Variants in CTBP2 observed in about 807,000 individuals in gnomAD.
The protein encoded by CTBP2 is C-terminal-binding protein 2.
In CTBP2, 30 loss-of-function variants were observed where a neutral mutation model predicts 80.3. That is an observed-to-expected ratio of 0.37 (90% CI 0.28 to 0.51). The LOEUF is 0.51. Among genes scored for constraint, CTBP2 ranks in the 20% least tolerant of loss-of-function variants. CTBP2 has a pLI of 0.93. For synonymous variants in CTBP2, 594 were observed against 587.4 expected, an observed-to-expected ratio of 1.01 and a Z score of -0.16; for missense variants, 1,212 against 1,375.3, an observed-to-expected ratio of 0.88 and a Z score of 1.88.
chr10:125,067,320 G>T (rs1844802731), intron 2 of CTBP2, among the ~76,000 whole-genome samples: 1 of 152,092 alleles, frequency 6.6e-6, no homozygotes. Context: ...TGACATACAA[G>T]GTGAAAAACT....
intron 2 of CTBP2, among the ~76,000 whole-genome samples, chr10:125,058,126 C>A (rs747647121): frequency 2.6e-5 from 4 of 151,976 alleles, no homozygotes; most frequent in African/African-American, 9.7e-5. Flanking sequence ...GGAGCCCTGA[C>A]GGGGAGAAAC....
chr10:125,072,841 A>G (rs1267683655), intron 2 of CTBP2, among the ~76,000 whole-genome samples: 3 of 152,246 alleles, frequency 2.0e-5, no homozygotes, highest in African/African-American at 4.8e-5. Context: ...AGTAAAAGCT[A>G]GTCTCAGATA....
chr10:124,986,251 G>C lies in CTBP2; in HGVS notation c.*3267C>G, dbSNP rs1329581166. 1 of 150,100 alleles carries C rather than the reference G, an allele frequency of 6.7e-6. No homozygotes were observed. Among genetic ancestry groups the C allele is most frequent in the Non-Finnish European group, 1.5e-5 (1 of 67,572 alleles). 9.3% of individuals were successfully genotyped at this position (150,100 alleles called of 1,614,324 possible). A position where few individuals can be genotyped will look rare whatever the true frequency, so the allele number is the denominator to read the frequency against. The stretch of plus-strand genomic sequence containing the variant: ...AAGCACTTTCTAGACTATTGATGTG[G>C]CCAGGAATTTGGAAAGACGACACAC... On this transcript the variant is annotated 3_prime_UTR_variant, in exon 9 of 9. Coordinates refer to ENST00000309035, the MANE Select transcript of CTBP2 (RefSeq NM_022802.3).
chr10:125,129,681 C>T (rs1855832429), intron 1 of CTBP2, among the ~76,000 whole-genome samples: 1 of 152,156 alleles, frequency 6.6e-6, no homozygotes, highest in African/African-American at 2.4e-5. Flanking sequence ...AAGGAGACTC[C>T]AAAACCTCAG....
In CTBP2 at chr10:125,013,879, A is replaced by T. The variant is rs190301515; in HGVS notation, c.1679-10387T>A. Among the ~76,000 whole-genome samples, 16 of 152,334 alleles carry T rather than the reference A, an allele frequency of 1.1e-4. No individual in the cohort carries two copies. The East Asian group carries it at 3.1e-3, about 29-fold the overall frequency. On this transcript the variant is annotated intron_variant, in intron 1 of 8. Transcript: ENST00000309035. ...AGACATCATCAGGCCTGGCCCTAGG[A>T]AACAGACAGGTGATCTTGCCTCGGC...
intron 2 of CTBP2, among the ~76,000 whole-genome samples, chr10:125,063,296 A>G (rs1480112216): frequency 1.3e-5 from 2 of 152,220 alleles, no homozygotes; most frequent in African/African-American, 4.8e-5. Flanking sequence ...GGGGAAAAAC[A>G]TCATACTTAA....
intron 2 of CTBP2, among the ~76,000 whole-genome samples, chr10:125,097,113 C>T (rs920204169): frequency 1.3e-5 from 2 of 152,128 alleles, no homozygotes; most frequent in African/African-American, 2.4e-5. Context: ...TTAATTTTTG[C>T]AGCTTTTGCC....
At chr10:125,108,175 G>A (rs1310731227) in intron 2 of CTBP2, among the ~76,000 whole-genome samples, 4 of 152,210 alleles carry the variant, frequency 2.6e-5, no homozygotes, top group Non-Finnish European at 1.5e-5. Flanking sequence ...TCTAAATTTA[G>A]CACGTCACTA....
chr10:125,007,459 T>A (rs1955392135), intron 1 of CTBP2, among the ~76,000 whole-genome samples: 1 of 152,240 alleles, frequency 6.6e-6, no homozygotes, highest in South Asian at 2.1e-4. Context: ...TGGACTTTTG[T>A]GAACAGTAAC....
intron 2 of CTBP2, among the ~76,000 whole-genome samples, chr10:125,086,715 A>G (rs1417010612): frequency 3.3e-5 from 5 of 151,914 alleles, no homozygotes; most frequent in African/African-American, 1.2e-4. Context: ...TCAGACATCG[A>G]ATCTGCTGGC....
chr10:125,132,938 T>G (rs1856417618), intron 1 of CTBP2, among the ~76,000 whole-genome samples: 1 of 152,200 alleles, frequency 6.6e-6, no homozygotes, highest in Non-Finnish European at 1.5e-5. Context: ...ACGCTTAGAA[T>G]GACAGCCCCA....
chr10:125,069,167 C>T (rs1045253768), intron 2 of CTBP2, among the ~76,000 whole-genome samples: 3 of 152,176 alleles, frequency 2.0e-5, no homozygotes, highest in African/African-American at 7.2e-5. Flanking sequence ...ACCACCTCCC[C>T]TAATAGCTGC....
chr10:125,079,138 C>T (rs1467377095), intron 2 of CTBP2, among the ~76,000 whole-genome samples: 1 of 129,538 alleles, frequency 7.7e-6, no homozygotes, highest in South Asian at 2.6e-4. Context: ...CAGAGTGAGA[C>T]CTTGTCTCGA....
intron 1 of CTBP2, among the ~76,000 whole-genome samples, chr10:125,008,269 A>G (rs1955482953): frequency 6.6e-6 from 1 of 152,074 alleles, no homozygotes; most frequent in South Asian, 2.1e-4. Flanking sequence ...TTTTTTTAAA[A>G]CGCACTAGAT....
chr10:124,986,444 A>C lies in CTBP2; in HGVS notation c.*3074T>G, dbSNP rs1457408144. 2 of 152,296 alleles carry C rather than the reference A, an allele frequency of 1.3e-5. No homozygotes were observed. The highest frequency in any genetic ancestry group is 6.6e-5 in the Admixed American group (1 of 15,266). The allele number at this position is 152,296 out of a possible 1,614,324, so 9.4% of individuals were successfully genotyped here. A position where few individuals can be genotyped will look rare whatever the true frequency, so the allele number is the denominator to read the frequency against. On this transcript the variant is annotated 3_prime_UTR_variant, in exon 9 of 9. Coordinates refer to ENST00000309035, the MANE Select transcript of CTBP2 (RefSeq NM_022802.3). ...TCAAATTTGCTGCCAGAATACTAAA[A>C]ATAGAAAAATACCCACAAAACTGTC...
At chr10:124,992,209 C>CCT (rs748096020) in intron 8 of CTBP2, among the ~76,000 whole-genome samples, 11 of 102,496 alleles carry the variant, frequency 1.1e-4, no homozygotes, top group Admixed American at 2.7e-4. Flanking sequence ...TTGAGAAGCC[C>CCT]TTTTTTTTTT....
At chr10:125,136,601 C>T (rs1857007920) in intron 1 of CTBP2, among the ~76,000 whole-genome samples, 1 of 152,206 alleles carries the variant, frequency 6.6e-6, no homozygotes, top group Admixed American at 6.5e-5. Flanking sequence ...CCCCATGGAG[C>T]CCATTCTTGC....
In CTBP2 at chr10:125,045,705, G is replaced by C. The variant is rs1472799116; in HGVS notation, c.-101-6550C>G. ...AGGGTTTCACCACGTTGGCCAGGCT[G>C]GTCTCAAACTCCTGACTTCAGGTGT... On this transcript the variant is annotated intron_variant, in intron 2 of 10. Coordinates refer to the CTBP2 transcript ENST00000337195. 2.0e-5 allele frequency among the ~76,000 whole-genome samples: 3 copies of C among 152,096 alleles called. 1 individual carries two copies. The highest frequency in any genetic ancestry group is 4.4e-5 in the Non-Finnish European group (3 of 68,018).
chr10:124,984,759 A>G lies in CTBP2; in HGVS notation c.*4759T>C. On this transcript the variant is annotated 3_prime_UTR_variant, in exon 9 of 9. Transcript: ENST00000309035. ...GTTGTATGATTTTCCCTTTGTCTTC[A>G]TATTCCTCCAAAAGCTAGGTAATGA... 1.2e-6 allele frequency: 2 copies of G among 1,610,660 alleles called. No homozygotes were observed. Among genetic ancestry groups the G allele is most frequent in the Non-Finnish European group, 1.7e-6 (2 of 1,177,734 alleles).
Sources: gnomAD v4.1 joint callset for allele counts (sites outside exome capture counted in the v4.1 genomes callset) on GRCh38, gnomAD v4.1.1 for gene constraint, MANE v1.5 for transcripts, NCBI Gene and HGNC (gene_info 2026-07-23, HGNC 2026-07-21) for gene names.